The following NPAS3 variants were observed in gnomAD, a reference collection of about 807,000 sequenced individuals.
NPAS3 encodes neuronal PAS domain-containing protein 3.
In NPAS3, 14 loss-of-function variants were observed where a neutral mutation model predicts 73.1. The ratio of observed to expected loss-of-function variants is 0.19; its 90% confidence interval spans 0.13 to 0.30. NPAS3 has a LOEUF of 0.30. Among genes scored for constraint, NPAS3 ranks in the 10% least tolerant of loss-of-function variants. NPAS3 has a pLI of 1.00. For synonymous variants in NPAS3, 620 were observed against 541.5 expected, an observed-to-expected ratio of 1.14 and a Z score of -2.01; for missense variants, 1,096 against 1,250.0, an observed-to-expected ratio of 0.88 and a Z score of 1.86.
chr14:33,615,092 G>A (rs185412012), intron 5 of NPAS3, among the ~76,000 whole-genome samples: 170 of 152,226 alleles, frequency 1.1e-3, no homozygotes, highest in Non-Finnish European at 1.8e-3. Flanking sequence ...AGGTGGCATC[G>A]GTACAAAGAT....
chr14:33,786,047 G>A (rs140328496), intron 9 of NPAS3, among the ~76,000 whole-genome samples: 122 of 152,278 alleles, frequency 8.0e-4, no homozygotes, highest in African/African-American at 2.8e-3. Context: ...CGTGTGTCGA[G>A]TGACCAAGCC....
At chr14:33,059,116 T>C (rs948160241) in intron 2 of NPAS3, among the ~76,000 whole-genome samples, 3 of 152,206 alleles carry the variant, frequency 2.0e-5, no homozygotes, top group African/African-American at 7.2e-5. Context: ...TTGGAAAATA[T>C]TGCAATTCTG....
intron 3 of NPAS3, among the ~76,000 whole-genome samples, chr14:33,334,802 A>C (rs1296485482): frequency 6.6e-6 from 1 of 152,122 alleles, no homozygotes; most frequent in Non-Finnish European, 1.5e-5. Context: ...TACTTTATCC[A>C]AAGTGTAGTA....
downstream of NPAS3, chr14:33,803,469 A>T: frequency 6.6e-6 from 1 of 152,192 alleles, no homozygotes; most frequent in East Asian, 1.9e-4. Context: ...TACTTGAAGG[A>T]TTTAAGTAGG....
chr14:33,214,805 T>A (rs568285208), intron 2 of NPAS3: 5 of 188,422 alleles, frequency 2.7e-5, no homozygotes, highest in South Asian at 2.4e-4. Context: ...AAGTATTAGT[T>A]TGAAATAGAT....
intron 2 of NPAS3, among the ~76,000 whole-genome samples, chr14:33,185,597 G>A (rs1335736941): frequency 2.0e-5 from 3 of 152,122 alleles, no homozygotes; most frequent in Non-Finnish European, 4.4e-5. Flanking sequence ...GCAAAATAGT[G>A]TTGCCTAAAA....
chr14:33,126,703 G>GC (rs1287155371), intron 2 of NPAS3, among the ~76,000 whole-genome samples: 2 of 152,104 alleles, frequency 1.3e-5, no homozygotes, highest in East Asian at 3.9e-4. Context: ...GACTGTGGCA[G>GC]CTCATGCCCT....
At chr14:33,281,699 A>AT (rs1343390944) in intron 3 of NPAS3, among the ~76,000 whole-genome samples, 1 of 152,124 alleles carries the variant, frequency 6.6e-6, no homozygotes, top group Non-Finnish European at 1.5e-5. Flanking sequence ...AGGACTAAGA[A>AT]TTTTTTCTTC....
intron 4 of NPAS3, among the ~76,000 whole-genome samples, chr14:33,485,652 T>A (rs1281747100): frequency 1.3e-5 from 2 of 152,168 alleles, no homozygotes; most frequent in Non-Finnish European, 2.9e-5. Context: ...AAGACAGTAC[T>A]CTTGAACATT....
At chr14:33,781,301 C>A (rs2062971938) in intron 9 of NPAS3, among the ~76,000 whole-genome samples, 1 of 152,202 alleles carries the variant, frequency 6.6e-6, no homozygotes, top group Non-Finnish European at 1.5e-5. Context: ...TATACAAATG[C>A]ATCTCGCTTT....
At chr14:33,478,202 G>C (rs376753236) in intron 4 of NPAS3, among the ~76,000 whole-genome samples, 4 of 152,292 alleles carry the variant, frequency 2.6e-5, no homozygotes, top group Middle Eastern at 3.4e-3. Context: ...TATATTCATG[G>C]ATTTTGCACC....
chr14:33,409,053 C>CTG (rs2047796849), intron 4 of NPAS3, among the ~76,000 whole-genome samples: 1 of 152,162 alleles, frequency 6.6e-6, no homozygotes, highest in Non-Finnish European at 1.5e-5. Context: ...AGTTCTCCCA[C>CTG]TGATAAAATT....
intron 3 of NPAS3, among the ~76,000 whole-genome samples, chr14:33,315,543 T>C (rs1281398657): frequency 1.3e-5 from 2 of 151,374 alleles, no homozygotes; most frequent in Non-Finnish European, 2.9e-5. Flanking sequence ...TATGTGTGTG[T>C]GGTTGGGAGG....
At chr14:33,709,919 C>T (rs150073882) in intron 6 of NPAS3, among the ~76,000 whole-genome samples, 148 of 152,318 alleles carry the variant, frequency 9.7e-4, no homozygotes, top group Non-Finnish European at 1.5e-3. Flanking sequence ...GTGCACACAG[C>T]CCCACGCCCA....
At chr14:33,060,815 TG>T (rs150596420) in intron 2 of NPAS3, among the ~76,000 whole-genome samples, 2,360 of 152,202 alleles carry the variant, frequency 0.016, 52 homozygotes, top group African/African-American at 0.053. Context: ...TTCAAGAAAA[TG>T]GGTAGTTTTT....
chr14:33,678,632 T>G lies in NPAS3; in HGVS notation c.733+2247T>G, dbSNP rs1021017909. Among the ~76,000 whole-genome samples the G allele has an allele frequency of 3.3e-5, 5 of 152,142 alleles. No homozygotes were observed. In the East Asian group the frequency reaches 9.6e-4, roughly 29 times the overall value. Reference sequence around the variant, plus strand: ...AACTGTCACCTTTCTCAGGGTAGGCTACTATACTTCTCTTAATGCAGCCTG... The same window carrying G: ...AACTGTCACCTTTCTCAGGGTAGGCGACTATACTTCTCTTAATGCAGCCTG... On this transcript the variant is annotated intron_variant, in intron 6 of 11. Coordinates refer to ENST00000356141, the Ensembl canonical transcript of NPAS3.
At chr14:33,308,611 C>T (rs2042879621) in intron 3 of NPAS3, among the ~76,000 whole-genome samples, 1 of 149,804 alleles carries the variant, frequency 6.7e-6, no homozygotes, top group African/African-American at 2.5e-5. Flanking sequence ...CACACTTGTG[C>T]ACACACACAC....
chr14:33,359,201 C>A (rs767933517), intron 3 of NPAS3, among the ~76,000 whole-genome samples: 206 of 152,304 alleles, frequency 1.4e-3, no homozygotes, highest in Non-Finnish European at 1.6e-3. Context: ...ACTTTGTATT[C>A]TTTCTCCCAC....
At chr14:33,337,688 T>C (rs1028843017) in intron 3 of NPAS3, among the ~76,000 whole-genome samples, 13 of 152,114 alleles carry the variant, frequency 8.5e-5, no homozygotes, top group African/African-American at 3.1e-4. Context: ...ATTTGCTGTT[T>C]GAATACTGAG....
Sources: gnomAD v4.1 joint callset for allele counts (sites outside exome capture counted in the v4.1 genomes callset) on GRCh38, gnomAD v4.1.1 for gene constraint, MANE v1.5 for transcripts, NCBI Gene and HGNC (gene_info 2026-07-23, HGNC 2026-07-21) for gene names.